CCNY: variants seen among roughly 807,000 people sequenced by gnomAD.
The protein encoded by CCNY is cyclin Y, also known as cyclin-Y.
CCNY carries 19 observed loss-of-function variants against 42.8 expected under a neutral mutation model. The ratio of observed to expected loss-of-function variants is 0.44; its 90% CI spans 0.31 to 0.65. The LOEUF is 0.65. Among genes scored for constraint, CCNY ranks in the 30% least tolerant of loss-of-function variants. CCNY has a pLI of 0.07. For missense variants in CCNY, 370 were observed against 437.3 expected, an observed-to-expected ratio of 0.85 and a Z score of 1.37; for synonymous variants, 165 against 162.7, an observed-to-expected ratio of 1.01 and a Z score of -0.11.
At chr10:35,500,897 A>G (rs544772052) in intron 2 of CCNY, among the ~76,000 whole-genome samples, 7 of 151,974 alleles carry the variant, frequency 4.6e-5, no homozygotes, top group Non-Finnish European at 8.8e-5. Flanking sequence ...TTAGAGCAGT[A>G]TCAATTATGG....
chr10:35,408,702 G>C (rs748777988), intron 1 of CCNY, among the ~76,000 whole-genome samples: 1 of 152,112 alleles, frequency 6.6e-6, no homozygotes, highest in Non-Finnish European at 1.5e-5. Flanking sequence ...GGATGTATAC[G>C]TGCAGGTCAC....
chr10:35,259,892 CTTT>C (rs34394998), intron 3 of CCNY, among the ~76,000 whole-genome samples: 37 of 145,902 alleles, frequency 2.5e-4, no homozygotes, highest in East Asian at 4.0e-4. Context: ...AAACAACATA[CTTT>C]TTTTTTTTTT....
At chr10:35,351,665 T>C (rs1019201458) in intron 1 of CCNY, among the ~76,000 whole-genome samples, 2 of 152,208 alleles carry the variant, frequency 1.3e-5, no homozygotes, top group Non-Finnish European at 2.9e-5. Flanking sequence ...CAATTATGCT[T>C]ACAGAATATT....
At chr10:35,248,543 C>T (rs573663087) in intron 2 of CCNY, among the ~76,000 whole-genome samples, 33 of 152,054 alleles carry the variant, frequency 2.2e-4, no homozygotes, top group African/African-American at 6.7e-4. Context: ...CTACTTGGGA[C>T]GCTGAGGCAG....
At chr10:35,394,702 T>C (rs534048205) in intron 1 of CCNY, 2 of 208,246 alleles carry the variant, frequency 9.6e-6, no homozygotes, top group Admixed American at 1.3e-4. Flanking sequence ...TCTGACATCT[T>C]GTGCCTTTTA....
At chr10:35,546,591 A>G (rs574228753) in intron 7 of CCNY, among the ~76,000 whole-genome samples, 1 of 152,348 alleles carries the variant, frequency 6.6e-6, no homozygotes, top group South Asian at 2.1e-4. Context: ...CCTTGACTAT[A>G]GTTTTATTGG....
chr10:35,522,824 C>T (rs1840575602), intron 4 of CCNY, among the ~76,000 whole-genome samples: 1 of 152,154 alleles, frequency 6.6e-6, no homozygotes, highest in South Asian at 2.1e-4. Context: ...TGTCCTATAA[C>T]AAAACTTTCT....
intron 3 of CCNY, among the ~76,000 whole-genome samples, chr10:35,327,443 G>A (rs534392826): frequency 1.3e-5 from 2 of 152,048 alleles, no homozygotes; most frequent in Non-Finnish European, 2.9e-5. Flanking sequence ...TAAATTAAAT[G>A]GCAATTTTTA....
At chr10:35,402,440 T>C (rs1355146922) in intron 1 of CCNY, among the ~76,000 whole-genome samples, 1 of 152,218 alleles carries the variant, frequency 6.6e-6, no homozygotes. Flanking sequence ...TTGGGCTCTA[T>C]CCTTGAGTTT....
intron 3 of CCNY, among the ~76,000 whole-genome samples, chr10:35,281,471 T>C (rs1454839969): frequency 1.3e-5 from 2 of 151,926 alleles, no homozygotes; most frequent in Non-Finnish European, 2.9e-5. Flanking sequence ...AGCTAATTTT[T>C]TTTTGTATTT....
At chr10:35,510,398 G>A (rs1476422060) in intron 3 of CCNY, among the ~76,000 whole-genome samples, 2 of 152,010 alleles carry the variant, frequency 1.3e-5, no homozygotes, top group Non-Finnish European at 2.9e-5. Context: ...TCTATTTTTT[G>A]TAGAGATGAG....
At chr10:35,394,821 C>T (rs1837487632) in intron 1 of CCNY, 3 of 984,642 alleles carry the variant, frequency 3.0e-6, no homozygotes, top group Non-Finnish European at 3.6e-6. Context: ...TTTAGGTGAC[C>T]CCAGTGGCTG....
At chr10:35,276,578 G>T (rs1036551108) in intron 3 of CCNY, among the ~76,000 whole-genome samples, 4 of 152,054 alleles carry the variant, frequency 2.6e-5, no homozygotes, top group Non-Finnish European at 5.9e-5. Flanking sequence ...TAGAGACAGG[G>T]TCTCACTATG....
intron 4 of CCNY, among the ~76,000 whole-genome samples, chr10:35,523,480 T>G (rs1264764298): frequency 2.0e-5 from 3 of 152,204 alleles, no homozygotes; most frequent in Non-Finnish European, 4.4e-5. Flanking sequence ...ACTGCTAAAC[T>G]AGTCCATGGA....
chr10:35,476,825 C>A (rs1244810391), intron 1 of CCNY, among the ~76,000 whole-genome samples: 1 of 151,862 alleles, frequency 6.6e-6, no homozygotes, highest in Non-Finnish European at 1.5e-5. Flanking sequence ...AAAAACCCTT[C>A]AAAAAAATCA....
intron 1 of CCNY, among the ~76,000 whole-genome samples, chr10:35,440,468 C>T (rs1047377932): frequency 1.3e-5 from 2 of 152,224 alleles, no homozygotes; most frequent in Admixed American, 6.5e-5. Flanking sequence ...CCTGGCTGCT[C>T]CATTTCAGCT....
intron 3 of CCNY, among the ~76,000 whole-genome samples, chr10:35,322,891 T>G (rs1006623811): frequency 6.6e-6 from 1 of 152,162 alleles, no homozygotes; most frequent in African/African-American, 2.4e-5. Flanking sequence ...ACCGGTAGGA[T>G]GTAAGATGGT....
chr10:35,394,753 T>G lies in CCNY; in HGVS notation c.154+57546T>G, dbSNP rs559937847. On this transcript the variant is annotated intron_variant, in intron 1 of 9. Transcript: ENST00000374704. ...TTGTTTTGTTTTTAGGGCATGTTTTTCATTCCTTACTTAACCTCTGTTTTG... is the reference window on the plus strand; with the variant it reads ...TTGTTTTGTTTTTAGGGCATGTTTTGCATTCCTTACTTAACCTCTGTTTTG... The G allele has an allele frequency of 8.5e-5, 57 of 670,228 alleles. No homozygotes were observed. The South Asian group carries it at 1.5e-3, about 17-fold the overall frequency. The allele number at this position is 670,228 out of a possible 1,614,324, so 41.5% of individuals were successfully genotyped here. A position where few individuals can be genotyped will look rare whatever the true frequency, so the allele number is the denominator to read the frequency against.
intron 1 of CCNY, among the ~76,000 whole-genome samples, chr10:35,400,086 A>G (rs906144916): frequency 6.6e-6 from 1 of 151,942 alleles, no homozygotes; most frequent in Non-Finnish European, 1.5e-5. Context: ...CCCATCGCAG[A>G]TCTCCCTTGC....
Sources: gnomAD v4.1 joint callset for allele counts (sites outside exome capture counted in the v4.1 genomes callset) on GRCh38, gnomAD v4.1.1 for gene constraint, MANE v1.5 for transcripts, NCBI Gene and HGNC (gene_info 2026-07-23, HGNC 2026-07-21) for gene names.